FIG4: variants seen among roughly 807,000 people sequenced by gnomAD.
FIG4 encodes FIG4 phosphoinositide 5-phosphatase.
A neutral mutation model predicts 118.6 loss-of-function variants in FIG4; 112 were observed. That is an observed-to-expected ratio of 0.94 (90% CI 0.81 to 1.11). FIG4 has a LOEUF of 1.11. Ranked by LOEUF, FIG4 falls within the 50% of genes least tolerant of loss-of-function variation. The pLI is 0.00. For synonymous variants in FIG4, 369 were observed against 381.2 expected, an observed-to-expected ratio of 0.97 and a Z score of 0.37; for missense variants, 969 against 1,111.7, an observed-to-expected ratio of 0.87 and a Z score of 1.83.
At chr6:109,697,713 G>A (rs2128377640) in intron 1 of FIG4, among the ~76,000 whole-genome samples, 1 of 152,274 alleles carries the variant, frequency 6.6e-6, no homozygotes, top group Non-Finnish European at 1.5e-5. Flanking sequence ...CAAGAGACAA[G>A]AATCATTAAG....
intron 4 of FIG4, among the ~76,000 whole-genome samples, chr6:109,730,185 A>G (rs990840950): frequency 3.3e-5 from 5 of 152,004 alleles, no homozygotes; most frequent in Admixed American, 2.0e-4. Context: ...AGTAGCTGGG[A>G]CTACAGACAC....
At chr6:109,740,880 C>T (rs544256195) in intron 7 of FIG4, among the ~76,000 whole-genome samples, 12 of 152,038 alleles carry the variant, frequency 7.9e-5, no homozygotes, top group Non-Finnish European at 1.8e-4. Flanking sequence ...AACTTACAAT[C>T]ATGGTGGAAG....
chr6:109,816,421 G>A lies in FIG4; in HGVS notation c.2547-8667G>A, dbSNP rs1298250998. Among the ~76,000 whole-genome samples the A allele has an allele frequency of 2.6e-5, 4 of 152,322 alleles. No individual in the cohort carries two copies. In the South Asian group the frequency reaches 6.2e-4, roughly 24 times the overall value. Reference sequence around the variant, plus strand: ...ACTGCCCAGAGGAGCCTAAGGAGACGTGATGACTAAATGAAATGTGTCCCA... The same window carrying A: ...ACTGCCCAGAGGAGCCTAAGGAGACATGATGACTAAATGAAATGTGTCCCA... On this transcript the variant is annotated intron_variant, in intron 22 of 22. Coordinates refer to ENST00000230124, the MANE Select transcript of FIG4 (RefSeq NM_014845.6).
At chr6:109,802,551 C>T (rs1778453110) in intron 22 of FIG4, among the ~76,000 whole-genome samples, 1 of 152,174 alleles carries the variant, frequency 6.6e-6, no homozygotes, top group Non-Finnish European at 1.5e-5. Flanking sequence ...ATGTGTGTAC[C>T]AGTTTGCCAT....
At chr6:109,696,543 G>T (rs907894716) in intron 1 of FIG4, among the ~76,000 whole-genome samples, 1 of 152,174 alleles carries the variant, frequency 6.6e-6, no homozygotes, top group Non-Finnish European at 1.5e-5. Context: ...TACACACAAT[G>T]GAATACTATT....
chr6:109,735,039 G>A lies in FIG4; in HGVS notation c.498-111G>A, dbSNP rs913886751. The A allele has an allele frequency of 3.4e-6, 3 of 887,244 alleles. No homozygotes were observed. In the African/African-American group the frequency reaches 4.9e-5, roughly 15 times the overall value. 55.0% of individuals were successfully genotyped at this position (887,244 alleles called of 1,614,324 possible). A position where few individuals can be genotyped will look rare whatever the true frequency, so the allele number is the denominator to read the frequency against. ...TTGAATAGCATTGCTTCCAAATAAA[G>A]TAATAGGTGCTAAGTAATTTAGTTC... On this transcript the variant is annotated intron_variant, in intron 5 of 22. Coordinates refer to ENST00000230124, the MANE Select transcript of FIG4 (RefSeq NM_014845.6).
intron 3 of FIG4, among the ~76,000 whole-genome samples, chr6:109,720,113 T>G (rs1195161242): frequency 6.6e-6 from 1 of 152,188 alleles, no homozygotes; most frequent in African/African-American, 2.4e-5. Flanking sequence ...GCAAGTAAAG[T>G]AAGACAATAA....
intron 22 of FIG4, among the ~76,000 whole-genome samples, chr6:109,806,080 A>G (rs1778556667): frequency 6.6e-6 from 1 of 152,158 alleles, no homozygotes; most frequent in Non-Finnish European, 1.5e-5. Flanking sequence ...TTTGTTTTGC[A>G]CATGCTTATC....
At chr6:109,720,582 C>G (rs183471913) in intron 3 of FIG4, among the ~76,000 whole-genome samples, 5 of 152,344 alleles carry the variant, frequency 3.3e-5, no homozygotes, top group African/African-American at 1.2e-4. Context: ...CCACATGTGA[C>G]TTAAAACACG....
At chr6:109,716,330 C>A (rs1583642809) in intron 2 of FIG4, 115 bp from the exon 3 acceptor site, 1 of 1,044,188 alleles carries the variant, frequency 9.6e-7, no homozygotes, top group Non-Finnish European at 1.4e-6. Flanking sequence ...CTATTATATA[C>A]TTCTGTATGA....
At chr6:109,764,193 CTT>C (rs1777204801) in intron 13 of FIG4, among the ~76,000 whole-genome samples, 1 of 152,072 alleles carries the variant, frequency 6.6e-6, no homozygotes, top group African/African-American at 2.4e-5. Context: ...AATCCCAACA[CTT>C]TGGGAGGCCG....
chr6:109,809,447 T>A (rs538115711), intron 22 of FIG4, among the ~76,000 whole-genome samples: 1 of 152,228 alleles, frequency 6.6e-6, no homozygotes, highest in Middle Eastern at 3.2e-3. Context: ...ATGTCTTATA[T>A]GGTAAATATC....
In FIG4 at chr6:109,728,388, T is replaced by C. The variant is rs1167593715; in HGVS notation, c.446+1123T>C. Reference sequence around the variant, plus strand: ...AGGAATTATTGGAACCTTGGAAACGTGGGAAAAGCTATTAACAAATTGATA... The same window carrying C: ...AGGAATTATTGGAACCTTGGAAACGCGGGAAAAGCTATTAACAAATTGATA... On this transcript the variant is annotated intron_variant, in intron 4 of 22. Transcript: ENST00000230124. 3.3e-5 allele frequency among the ~76,000 whole-genome samples: 5 copies of C among 152,196 alleles called. No homozygotes were observed. The East Asian group carries it at 9.7e-4, about 29-fold the overall frequency.
chr6:109,803,202 A>G (rs1160833154), intron 22 of FIG4, among the ~76,000 whole-genome samples: 1 of 152,212 alleles, frequency 6.6e-6, no homozygotes, highest in Non-Finnish European at 1.5e-5. Flanking sequence ...TGGAAAGGTC[A>G]CTCTGGAAGT....
intron 10 of FIG4, among the ~76,000 whole-genome samples, chr6:109,744,804 C>T (rs1358699833): frequency 1.3e-5 from 2 of 151,502 alleles, no homozygotes; most frequent in Admixed American, 1.3e-4. Flanking sequence ...CCCCACCCCC[C>T]AACAGGCCCC....
At chr6:109,698,355 GC>G (rs1774799224) in intron 1 of FIG4, among the ~76,000 whole-genome samples, 1 of 152,006 alleles carries the variant, frequency 6.6e-6, no homozygotes, top group Admixed American at 6.6e-5. Flanking sequence ...TTTACAATAG[GC>G]TTGTCAACTT....
In FIG4 at chr6:109,718,874, TA is replaced by T. The variant is rs1277360616; in HGVS notation, c.289+2308del. On this transcript the variant is annotated intron_variant, in intron 3 of 22. Coordinates refer to ENST00000230124, the MANE Select transcript of FIG4 (RefSeq NM_014845.6). The stretch of plus-strand genomic sequence containing the variant: ...AAAATATAGTAGACTCTAATTTAAA[TA>T]ATAGTTACTTAATAGTTTAAGCTTA... 3.3e-5 allele frequency among the ~76,000 whole-genome samples: 5 copies of T among 152,176 alleles called. No individual in the cohort carries two copies. The East Asian group carries it at 9.7e-4, about 29-fold the overall frequency.
intron 22 of FIG4, among the ~76,000 whole-genome samples, chr6:109,801,944 G>C (rs546248846): frequency 6.6e-6 from 1 of 152,142 alleles, no homozygotes; most frequent in South Asian, 2.1e-4. Flanking sequence ...GATAATTCTT[G>C]TTATCTTTTC....
chr6:109,730,904 C>T (rs1331624286), intron 4 of FIG4, among the ~76,000 whole-genome samples: 1 of 151,912 alleles, frequency 6.6e-6, no homozygotes, highest in African/African-American at 2.4e-5. Flanking sequence ...TGTAAATATT[C>T]AAAATGTATT....
Sources: allele counts gnomAD v4.1 joint callset (sites outside exome capture counted in the v4.1 genomes callset), GRCh38; gene constraint gnomAD v4.1.1; transcripts MANE v1.5; gene names NCBI Gene and HGNC (gene_info 2026-07-23, HGNC 2026-07-21).